The following MEIKIN variants were observed in gnomAD, a reference collection of about 807,000 sequenced individuals.
MEIKIN encodes meiotic kinetochore factor, also known as meiosis-specific kinetochore protein.
chr5:131,818,940 CTA>C (rs1267617194), intron 11 of MEIKIN, 77 bp from the exon 12 acceptor site: 2 of 390,602 alleles, frequency 5.1e-6, no homozygotes, highest in Admixed American at 4.5e-5. Flanking sequence ...TCAAATGCAA[CTA>C]GTCTTAATAT....
intron 7 of MEIKIN, among the ~76,000 whole-genome samples, chr5:131,914,985 CAAG>C (rs1751394730): frequency 2.0e-5 from 3 of 152,256 alleles, no homozygotes; most frequent in African/African-American, 7.2e-5. Flanking sequence ...AACAACATAA[CAAG>C]AAGAGCTGGG....
At chr5:131,923,373 T>C (rs758283181) in intron 5 of MEIKIN, among the ~76,000 whole-genome samples, 3 of 152,196 alleles carry the variant, frequency 2.0e-5, no homozygotes, top group African/African-American at 7.2e-5. Flanking sequence ...AAAAATGTTC[T>C]TGAATTATTT....
At position 131,933,651 on chromosome 5, in the gene MEIKIN, A is replaced by G. The variant is rs1427348176; in HGVS notation, c.350-10T>C. ...TGGTGCAAACTTAATCCTGTAGAATAAAGGAAAAAAAAATTGATAAATCTT... is the reference window on the plus strand; with the variant it reads ...TGGTGCAAACTTAATCCTGTAGAATGAAGGAAAAAAAAATTGATAAATCTT... On this transcript the variant is annotated splice_polypyrimidine_tract_variant and intron_variant, in intron 4 of 12. Coordinates refer to ENST00000442687, the MANE Select transcript of MEIKIN (RefSeq NM_001303622.2). 4 of 398,434 alleles carry G rather than the reference A, an allele frequency of 1.0e-5. No homozygotes were observed. Among genetic ancestry groups the G allele is most frequent in the African/African-American group, 8.2e-5 (4 of 48,592 alleles). The allele number at this position is 398,434 out of a possible 1,614,324, so 24.7% of individuals were successfully genotyped here. A position where few individuals can be genotyped will look rare whatever the true frequency, so the allele number is the denominator to read the frequency against.
chr5:131,892,445 C>A (rs546090396), intron 8 of MEIKIN, among the ~76,000 whole-genome samples: 1 of 152,190 alleles, frequency 6.6e-6, no homozygotes, highest in African/African-American at 2.4e-5. Flanking sequence ...AAATTCTCTT[C>A]TCACTTCATT....
At chr5:131,906,071 A>G (rs1328966924) in intron 8 of MEIKIN, among the ~76,000 whole-genome samples, 1 of 152,206 alleles carries the variant, frequency 6.6e-6, no homozygotes, top group East Asian at 1.9e-4. Context: ...AAAAGAAACT[A>G]TCAACAGAAT....
intron 5 of MEIKIN, among the ~76,000 whole-genome samples, chr5:131,930,059 A>C (rs1751661130): frequency 6.6e-6 from 1 of 152,212 alleles, no homozygotes; most frequent in Non-Finnish European, 1.5e-5. Context: ...TTGTTGGGTC[A>C]AATGATAGTT....
At chr5:131,900,964 A>G (rs1751146530) in intron 8 of MEIKIN, among the ~76,000 whole-genome samples, 1 of 152,068 alleles carries the variant, frequency 6.6e-6, no homozygotes, top group African/African-American at 2.4e-5. Flanking sequence ...TTGCTTGCAC[A>G]TGTATGCATG....
At chr5:131,927,203 T>C (rs1337989947) in intron 5 of MEIKIN, among the ~76,000 whole-genome samples, 1 of 152,240 alleles carries the variant, frequency 6.6e-6, no homozygotes, top group East Asian at 1.9e-4. Flanking sequence ...TATTTTCTAA[T>C]TTCCCTTTTG....
chr5:131,940,421 C>G (rs1751849638), intron 4 of MEIKIN, among the ~76,000 whole-genome samples: 1 of 152,082 alleles, frequency 6.6e-6, no homozygotes, highest in Non-Finnish European at 1.5e-5. Context: ...TTCCCAGGGA[C>G]TATATTTTTT....
intron 6 of MEIKIN, among the ~76,000 whole-genome samples, chr5:131,921,500 T>C (rs938237801): frequency 6.6e-6 from 1 of 151,942 alleles, no homozygotes; most frequent in African/African-American, 2.4e-5. Flanking sequence ...TCTATAAAAA[T>C]ACAAAAATTA....
At chr5:131,908,366 T>A (rs796575182) in intron 8 of MEIKIN, among the ~76,000 whole-genome samples, 74 of 152,218 alleles carry the variant, frequency 4.9e-4, no homozygotes, top group African/African-American at 1.7e-3. Flanking sequence ...AAAATCGTGA[T>A]AAAATTCAAC....
At chr5:131,935,506 T>C (rs1271767409) in intron 4 of MEIKIN, among the ~76,000 whole-genome samples, 2 of 152,078 alleles carry the variant, frequency 1.3e-5, no homozygotes, top group Non-Finnish European at 2.9e-5. Flanking sequence ...AGAGATTTGG[T>C]AAGAAAAGGG....
At chr5:131,933,062 T>C (rs957060868) in intron 5 of MEIKIN, among the ~76,000 whole-genome samples, 10 of 152,348 alleles carry the variant, frequency 6.6e-5, no homozygotes, top group African/African-American at 2.4e-4. Context: ...AGGCATGTAT[T>C]TGATCTGCCA....
At chr5:131,881,897 T>C (rs1042113787) in intron 8 of MEIKIN, among the ~76,000 whole-genome samples, 83 of 152,310 alleles carry the variant, frequency 5.4e-4, no homozygotes, top group Middle Eastern at 3.4e-3. Flanking sequence ...AGTATATACA[T>C]GTGTGTTCTT....
chr5:131,892,476 C>T lies in MEIKIN; in HGVS notation c.704-13428G>A, dbSNP rs531947646. The stretch of plus-strand genomic sequence containing the variant: ...TCATTTCATTCATTTCATCTTCCAT[C>T]ACTGATACCCGTTCTTCCAGTTGAT... On this transcript the variant is annotated intron_variant, in intron 8 of 12. Transcript: ENST00000442687. 1.7e-4 allele frequency among the ~76,000 whole-genome samples: 26 copies of T among 152,308 alleles called. No individual in the cohort carries two copies. The South Asian group carries it at 4.1e-3, about 24-fold the overall frequency.
chr5:131,892,581 C>A (rs189682740), intron 8 of MEIKIN, among the ~76,000 whole-genome samples: 1 of 152,278 alleles, frequency 6.6e-6, no homozygotes, highest in African/African-American at 2.4e-5. Context: ...CTTTTAAGGA[C>A]TTCTCTGCAT....
intron 8 of MEIKIN, among the ~76,000 whole-genome samples, chr5:131,905,766 A>G (rs1751233660): frequency 6.6e-6 from 1 of 152,174 alleles, no homozygotes. Context: ...ATCTACCAAA[A>G]CAAGCAATGG....
At chr5:131,861,553 C>A (rs942732520) in intron 9 of MEIKIN, among the ~76,000 whole-genome samples, 2 of 152,130 alleles carry the variant, frequency 1.3e-5, no homozygotes, top group African/African-American at 4.8e-5. Flanking sequence ...AGGCTTTCAA[C>A]TTTTCCCCAT....
intron 9 of MEIKIN, among the ~76,000 whole-genome samples, chr5:131,864,407 G>T (rs1750347237): frequency 6.6e-6 from 1 of 152,132 alleles, no homozygotes; most frequent in Non-Finnish European, 1.5e-5. Context: ...GGACTCCCTT[G>T]AGTTTAGTAG....
Sources: allele counts gnomAD v4.1 joint callset (sites outside exome capture counted in the v4.1 genomes callset), GRCh38; gene constraint gnomAD v4.1.1; transcripts MANE v1.5; gene names NCBI Gene and HGNC (gene_info 2026-07-23, HGNC 2026-07-21).